FAM135B: variants seen among roughly 807,000 people sequenced by gnomAD.
FAM135B encodes family with sequence similarity 135 member B.
FAM135B carries 43 observed loss-of-function variants against 127.7 expected under a neutral mutation model. The observed-to-expected ratio is 0.34, with a 90% CI of 0.26 to 0.43. FAM135B has a LOEUF of 0.43. FAM135B is among the 20% of genes least tolerant of loss of function. FAM135B has a pLI of 1.00. For missense variants in FAM135B, 1,558 were observed against 1,725.6 expected, an observed-to-expected ratio of 0.90 and a Z score of 1.72; for synonymous variants, 670 against 665.1, an observed-to-expected ratio of 1.01 and a Z score of -0.11.
At chr8:138,343,862 C>T (rs565851912) in intron 2 of FAM135B, among the ~76,000 whole-genome samples, 1 of 152,202 alleles carries the variant, frequency 6.6e-6, no homozygotes, top group African/African-American at 2.4e-5. Flanking sequence ...TTGGTTGTTT[C>T]CTCTTATCTG....
intron 12 of FAM135B, among the ~76,000 whole-genome samples, chr8:138,163,606 T>TTC (rs1388933784): frequency 6.6e-6 from 1 of 152,132 alleles, no homozygotes; most frequent in Non-Finnish European, 1.5e-5. Flanking sequence ...TTGGCTCTCA[T>TTC]TCTCTCTTTG....
intron 9 of FAM135B, among the ~76,000 whole-genome samples, chr8:138,193,586 A>G (rs919406216): frequency 4.6e-5 from 7 of 152,180 alleles, no homozygotes; most frequent in Non-Finnish European, 1.0e-4. Flanking sequence ...AATTTCTGAT[A>G]ATTTACAGAG....
At chr8:138,195,676 G>T (rs1168136394) in intron 8 of FAM135B, among the ~76,000 whole-genome samples, 4 of 151,746 alleles carry the variant, frequency 2.6e-5, no homozygotes, top group Non-Finnish European at 5.9e-5. Flanking sequence ...ACACACACAG[G>T]TATACATCTG....
At chr8:138,177,227 A>G (rs981867147) in intron 11 of FAM135B, 120 bp downstream of exon 11, 2 of 838,906 alleles carry the variant, frequency 2.4e-6, no homozygotes, top group Non-Finnish European at 3.7e-6. Context: ...GCAGACAGAA[A>G]GTGCAGAGGT....
chr8:138,275,415 T>C (rs947948728), intron 3 of FAM135B, among the ~76,000 whole-genome samples: 6 of 152,242 alleles, frequency 3.9e-5, no homozygotes, highest in African/African-American at 1.4e-4. Context: ...CCAGGCACGA[T>C]GACTCATTCT....
intron 1 of FAM135B, among the ~76,000 whole-genome samples, chr8:138,423,541 G>A (rs1019220013): frequency 5.9e-5 from 9 of 152,158 alleles, no homozygotes; most frequent in Non-Finnish European, 1.3e-4. Context: ...TTTCAAAGGG[G>A]AGGGAGTGTA....
chr8:138,149,744 C>G (rs1056711777), intron 13 of FAM135B, among the ~76,000 whole-genome samples: 1 of 152,228 alleles, frequency 6.6e-6, no homozygotes, highest in Admixed American at 6.5e-5. Context: ...GCTGCTATCC[C>G]TATTCACACC....
chr8:138,372,799 A>G (rs551516972), intron 1 of FAM135B, among the ~76,000 whole-genome samples: 1 of 152,168 alleles, frequency 6.6e-6, no homozygotes, highest in Admixed American at 6.5e-5. Context: ...CACTAAAAAA[A>G]AAATCTTGAT....
intron 2 of FAM135B, among the ~76,000 whole-genome samples, chr8:138,361,892 T>A (rs1830444495): frequency 6.6e-6 from 1 of 152,230 alleles, no homozygotes; most frequent in African/African-American, 2.4e-5. Context: ...CCTTCTCTGT[T>A]TCTTCATAGT....
intron 1 of FAM135B, among the ~76,000 whole-genome samples, chr8:138,457,560 A>C (rs1484141370): frequency 6.6e-6 from 1 of 152,190 alleles, no homozygotes; most frequent in East Asian, 1.9e-4. Context: ...CATCAGTCAC[A>C]GGGGAGCCAC....
intron 2 of FAM135B, among the ~76,000 whole-genome samples, 174 bp downstream of exon 2, chr8:138,367,733 A>G (rs1163475874): frequency 6.6e-6 from 1 of 152,136 alleles, no homozygotes; most frequent in Non-Finnish European, 1.5e-5. Context: ...GTTTATTTTC[A>G]GATGCAATAA....
At chr8:138,158,676 C>A (rs933757023) in intron 12 of FAM135B, among the ~76,000 whole-genome samples, 1 of 152,138 alleles carries the variant, frequency 6.6e-6, no homozygotes, top group African/African-American at 2.4e-5. Context: ...ATGCAGCCAA[C>A]AGACACATGA....
At chr8:138,390,411 T>C (rs544352034) in intron 1 of FAM135B, among the ~76,000 whole-genome samples, 10 of 152,260 alleles carry the variant, frequency 6.6e-5, no homozygotes, top group East Asian at 5.8e-4. Context: ...TCATGTAAGA[T>C]GTGCCTTTTG....
chr8:138,229,131 C>T (rs576866676), intron 7 of FAM135B, among the ~76,000 whole-genome samples: 2 of 152,238 alleles, frequency 1.3e-5, no homozygotes, highest in South Asian at 4.2e-4. Flanking sequence ...CAGTTTCTGG[C>T]TGTCTTCATT....
intron 1 of FAM135B, among the ~76,000 whole-genome samples, chr8:138,375,912 A>G (rs773700189): frequency 3.9e-5 from 6 of 152,126 alleles, no homozygotes; most frequent in Non-Finnish European, 7.3e-5. Flanking sequence ...AGAGACCTCA[A>G]AATTGTGGAA....
intron 9 of FAM135B, among the ~76,000 whole-genome samples, chr8:138,193,044 G>A (rs948030517): frequency 2.0e-5 from 3 of 152,118 alleles, no homozygotes; most frequent in East Asian, 3.9e-4. Context: ...TGCAATACAG[G>A]ATTCTCCATC....
At chr8:138,144,628 G>T (rs568348301) in intron 15 of FAM135B, among the ~76,000 whole-genome samples, 27 of 152,264 alleles carry the variant, frequency 1.8e-4, no homozygotes, top group Admixed American at 2.6e-4. Context: ...CCCAGCCAAG[G>T]CGTTTAAATC....
At chr8:138,404,711 G>A (rs6983586) in intron 1 of FAM135B, among the ~76,000 whole-genome samples, 60,667 of 151,846 alleles carry the variant, frequency 0.4, 12,589 homozygotes, top group African/African-American at 0.52. Flanking sequence ...TTCTTTGCTC[G>A]CTCATAAGAA....
intron 7 of FAM135B, among the ~76,000 whole-genome samples, chr8:138,220,690 C>T (rs908140781): frequency 8.5e-5 from 13 of 152,132 alleles, no homozygotes; most frequent in Admixed American, 3.9e-4. Flanking sequence ...AAATTGAAAA[C>T]GGCTATCACT....
Sources: gnomAD v4.1 joint callset for allele counts (sites outside exome capture counted in the v4.1 genomes callset) on GRCh38, gnomAD v4.1.1 for gene constraint, MANE v1.5 for transcripts, NCBI Gene and HGNC (gene_info 2026-07-23, HGNC 2026-07-21) for gene names.